FRMD5: variants seen among roughly 807,000 people sequenced by gnomAD.
FRMD5 encodes the protein FERM domain-containing protein 5.
A neutral mutation model predicts 69.0 loss-of-function variants in FRMD5; 20 were observed. That is an observed-to-expected ratio of 0.29 (90% CI 0.20 to 0.42). The LOEUF (loss-of-function observed/expected upper bound fraction) is 0.42. Among genes scored for constraint, FRMD5 ranks in the 10% least tolerant of loss-of-function variants. FRMD5 has a pLI of 1.00. For missense variants in FRMD5, 595 were observed against 708.6 expected (o/e 0.84, Z 1.82); for synonymous variants, 271 against 260.1 (o/e 1.04, Z -0.40).
chr15:43,875,812 T>G (rs2088332758), intron 13 of FRMD5: 1 of 370,052 alleles, frequency 2.7e-6, no homozygotes, highest in Admixed American at 4.4e-5. Context: ...TAGTTTTTTT[T>G]TTTTTTTTTT....
intron 1 of FRMD5, among the ~76,000 whole-genome samples, chr15:44,017,497 C>T (rs1324719631): frequency 1.3e-5 from 2 of 151,986 alleles, no homozygotes; most frequent in African/African-American, 4.8e-5. Context: ...TTATTTAGTA[C>T]ATTAGTCACT....
intron 4 of FRMD5, among the ~76,000 whole-genome samples, chr15:43,910,958 TATG>T (rs1462655774): frequency 6.6e-6 from 1 of 152,276 alleles, no homozygotes; most frequent in East Asian, 1.9e-4. Context: ...TCTTCATCAC[TATG>T]ATATTCTGCC....
chr15:44,038,540 T>TTTTTTTTTA (rs1555397090), intron 1 of FRMD5, among the ~76,000 whole-genome samples: 8 of 146,610 alleles, frequency 5.5e-5, no homozygotes, highest in South Asian at 2.2e-4. Flanking sequence ...TTTTTTTTTT[T>TTTTTTTTTA]ATAACAATTC....
At chr15:43,926,016 G>C (rs2089578369) in intron 1 of FRMD5, among the ~76,000 whole-genome samples, 1 of 152,078 alleles carries the variant, frequency 6.6e-6, no homozygotes, top group Non-Finnish European at 1.5e-5. Context: ...ATTTTCATGA[G>C]GTCAGAATCC....
chr15:44,068,447 G>C (rs1484141910), intron 1 of FRMD5, among the ~76,000 whole-genome samples: 1 of 152,128 alleles, frequency 6.6e-6, no homozygotes, highest in Non-Finnish European at 1.5e-5. Flanking sequence ...CTGCAGTATG[G>C]ATGAATCTTT....
At chr15:44,066,797 A>G (rs1893330289) in intron 1 of FRMD5, among the ~76,000 whole-genome samples, 1 of 152,146 alleles carries the variant, frequency 6.6e-6, no homozygotes, top group Admixed American at 6.5e-5. Context: ...TTACTACAAT[A>G]TTTTAGACGA....
intron 1 of FRMD5, among the ~76,000 whole-genome samples, chr15:43,960,099 G>GT (rs964441359): frequency 2.7e-5 from 4 of 150,876 alleles, no homozygotes; most frequent in African/African-American, 7.3e-5. Flanking sequence ...GTTTTGTTTT[G>GT]TTTTTTTGAG....
intron 1 of FRMD5, among the ~76,000 whole-genome samples, chr15:44,082,505 A>G (rs192876063): frequency 1.3e-5 from 2 of 152,136 alleles, no homozygotes; most frequent in East Asian, 1.9e-4. Context: ...AATTGCATTC[A>G]GTATTCTTTC....
At position 43,935,242 on chromosome 15, in the gene FRMD5, G is replaced by A. The variant is rs374094930; in HGVS notation, c.103-10933C>T. Reference sequence around the variant, plus strand: ...CGCCTGTAATCCCAGCCCTTTCGGGGGACAAGGAGAGCAGATTATCTGAGG... The same window carrying A: ...CGCCTGTAATCCCAGCCCTTTCGGGAGACAAGGAGAGCAGATTATCTGAGG... On this transcript the variant is annotated intron_variant, in intron 1 of 13. Coordinates refer to ENST00000417257, the MANE Select transcript of FRMD5 (RefSeq NM_032892.5). Among the ~76,000 whole-genome samples the A allele has an allele frequency of 5.9e-5, 9 of 152,200 alleles. No homozygotes were observed. In the East Asian group the frequency reaches 1.4e-3, roughly 23 times the overall value.
intron 1 of FRMD5, among the ~76,000 whole-genome samples, chr15:44,008,718 G>A (rs563010625): frequency 1.6e-4 from 25 of 152,150 alleles, no homozygotes; most frequent in Admixed American, 3.3e-4. Flanking sequence ...AACTTGTAGA[G>A]TTCCTCCATT....
At chr15:44,124,275 G>C (rs757185121) in intron 1 of FRMD5, among the ~76,000 whole-genome samples, 5 of 151,812 alleles carry the variant, frequency 3.3e-5, no homozygotes, top group African/African-American at 9.7e-5. Context: ...TTACAGGCGT[G>C]AGCCACCGTG....
intron 1 of FRMD5, among the ~76,000 whole-genome samples, chr15:44,060,928 TTTC>T (rs1555399824): frequency 6.6e-6 from 1 of 152,174 alleles, no homozygotes; most frequent in Non-Finnish European, 1.5e-5. Context: ...GAGGAAACTG[TTTC>T]TTATTTGTCT....
At chr15:44,023,624 T>C (rs946938015) in intron 1 of FRMD5, among the ~76,000 whole-genome samples, 5 of 152,198 alleles carry the variant, frequency 3.3e-5, no homozygotes, top group African/African-American at 1.2e-4. Context: ...TCTTTTAAAG[T>C]AAATTGGACT....
chr15:43,991,184 C>T (rs1000697270), intron 1 of FRMD5, among the ~76,000 whole-genome samples: 17 of 152,156 alleles, frequency 1.1e-4, no homozygotes, highest in African/African-American at 3.9e-4. Context: ...CTGTATTTTA[C>T]CCGAAGCTGC....
In FRMD5 at chr15:43,871,959, G is replaced by C. The variant is rs933044081; in HGVS notation, c.*1926C>G. On this transcript the variant is annotated 3_prime_UTR_variant, in exon 14 of 14. Coordinates refer to ENST00000417257, the MANE Select transcript of FRMD5 (RefSeq NM_032892.5). ...TCTGCTAACATACTGGTAAGGATCA[G>C]TTTTATTGTCTAGAGCAGGATTGGC... 3.3e-5 allele frequency: 5 copies of C among 152,214 alleles called. No homozygotes were observed. The highest frequency in any genetic ancestry group is 1.9e-4 in the East Asian group (1 of 5,194). The allele number at this position is 152,214 out of a possible 1,614,324, so 9.4% of individuals were successfully genotyped here. A position where few individuals can be genotyped will look rare whatever the true frequency, so the allele number is the denominator to read the frequency against.
chr15:44,106,710 C>T (rs1018492443), intron 1 of FRMD5, among the ~76,000 whole-genome samples: 1 of 152,120 alleles, frequency 6.6e-6, no homozygotes, highest in Non-Finnish European at 1.5e-5. Context: ...TCCAACTGTA[C>T]TTATCCTTTG....
At chr15:44,060,111 T>C (rs577793573) in intron 1 of FRMD5, among the ~76,000 whole-genome samples, 1 of 151,902 alleles carries the variant, frequency 6.6e-6, no homozygotes, top group African/African-American at 2.4e-5. Context: ...GAAGCAGAGG[T>C]TGGAAATGAT....
intron 1 of FRMD5, among the ~76,000 whole-genome samples, chr15:43,962,024 T>C (rs1361239900): frequency 6.6e-6 from 1 of 152,200 alleles, no homozygotes; most frequent in Non-Finnish European, 1.5e-5. Context: ...TTACCACTCC[T>C]ATTCAACATA....
intron 1 of FRMD5, among the ~76,000 whole-genome samples, chr15:43,998,509 T>A (rs1192742357): frequency 6.6e-6 from 1 of 152,140 alleles, no homozygotes; most frequent in East Asian, 1.9e-4. Flanking sequence ...TCAGAGGCAA[T>A]GCATATGTGA....
Sources: allele counts gnomAD v4.1 joint callset (sites outside exome capture counted in the v4.1 genomes callset), GRCh38; gene constraint gnomAD v4.1.1; transcripts MANE v1.5; gene names NCBI Gene and HGNC (gene_info 2026-07-23, HGNC 2026-07-21).